The following PSME4 variants were observed in gnomAD, a reference collection of about 807,000 sequenced individuals.
PSME4 encodes proteasome activator complex subunit 4.
PSME4 carries 89 observed loss-of-function variants against 253.9 expected under a neutral mutation model. The observed-to-expected ratio is 0.35, with a 90% CI of 0.30 to 0.42. PSME4 has a LOEUF of 0.42. Among genes scored for constraint, PSME4 ranks in the 10% least tolerant of loss-of-function variants. The pLI is 1.00. For synonymous variants in PSME4, 851 were observed against 759.2 expected (o/e 1.12, Z -1.99); for missense variants, 2,014 against 2,195.2 (o/e 0.92, Z 1.65).
chr2:53,968,523 C>T (rs1405556046), intron 1 of PSME4, among the ~76,000 whole-genome samples: 3 of 152,176 alleles, frequency 2.0e-5, no homozygotes, highest in African/African-American at 7.2e-5. Context: ...ACAAGCACAA[C>T]TATGAACAGG....
At chr2:53,941,224 C>T (rs1439837969) in intron 3 of PSME4, among the ~76,000 whole-genome samples, 1 of 145,284 alleles carries the variant, frequency 6.9e-6, no homozygotes, top group Non-Finnish European at 1.5e-5. Context: ...TAGAAATCCT[C>T]TTTAATTTCA....
Position 53,921,016 on chromosome 2 carries a change from T to G in PSME4, c.2135A>C (p.Gln712Pro), listed in dbSNP as rs1273858992. 2.2e-5 allele frequency: 35 copies of G among 1,614,062 alleles called. No homozygotes were observed. Among genetic ancestry groups the G allele is most frequent in the Non-Finnish European group, 3.0e-5 (35 of 1,180,020 alleles). Reference protein sequence around the residue: ...LQRTLHLTCKQGYTLSCNLLH... With the variant: ...LQRTLHLTCKPGYTLSCNLLH... ...AAGGTTACAAGACAGAGTGTAACCC[T>G]GCTTACAGGTTAAATGTAGGGTTCT... Residue 712 changes from glutamine (Q) to proline (P), a missense_variant, in exon 18 of 47, where the codon CAG becomes CCG. This residue lies in a region of PSME4 where 989 missense variants were observed against 1,021.1 expected (regional missense o/e 0.97). Transcript: ENST00000404125.
intron 8 of PSME4, among the ~76,000 whole-genome samples, chr2:53,933,968 A>G (rs1161209603): frequency 6.6e-6 from 1 of 152,122 alleles, no homozygotes; most frequent in Non-Finnish European, 1.5e-5. Context: ...CTTTTAAACA[A>G]AAAAAAATTG....
At position 53,920,316 on chromosome 2, in the gene PSME4, C is replaced by A; in HGVS notation, c.2297G>T (p.Gly766Val). The A allele has an allele frequency of 6.2e-7, 1 of 1,613,518 alleles. No individual in the cohort carries two copies. Among genetic ancestry groups the A allele is most frequent in the Non-Finnish European group, 8.5e-7 (1 of 1,179,666 alleles). ...WGKPGDLWNL[G>V]IQWHVPSSEE... Reference sequence around the variant, plus strand: ...TGAAGAAGGAACATGCCACTGGATTCCCAGATTCCACAAGTCCCCGGGTTT... The same window carrying A: ...TGAAGAAGGAACATGCCACTGGATTACCAGATTCCACAAGTCCCCGGGTTT... The change falls in exon 19 of 47, where the codon GGA becomes GTA. Residue 766 changes from glycine (G) to valine (V), a missense_variant. Around this residue, in one of 4 missense-constraint regions of PSME4, gnomAD observed 989 missense variants for 1,021.1 expected, o/e 0.97. Transcript: ENST00000404125.
chr2:53,945,770 G>C (rs995143182), intron 3 of PSME4, among the ~76,000 whole-genome samples: 4 of 152,168 alleles, frequency 2.6e-5, no homozygotes, highest in Non-Finnish European at 5.9e-5. Flanking sequence ...TCTAAAAATA[G>C]TATGAACACA....
intron 26 of PSME4, among the ~76,000 whole-genome samples, chr2:53,905,548 A>T (rs1044682880): frequency 3.3e-5 from 5 of 152,082 alleles, no homozygotes; most frequent in Non-Finnish European, 4.4e-5. Flanking sequence ...TAAAAATGAA[A>T]AAAATTAGTC....
intron 41 of PSME4, among the ~76,000 whole-genome samples, chr2:53,877,160 A>C (rs1679171793): frequency 6.6e-6 from 1 of 151,414 alleles, no homozygotes; most frequent in South Asian, 2.1e-4. Context: ...GAAAGCTTTA[A>C]TAAAGTTTGC....
At chr2:53,955,929 C>A (rs968513550) in intron 1 of PSME4, among the ~76,000 whole-genome samples, 64 of 151,998 alleles carry the variant, frequency 4.2e-4, no homozygotes, top group African/African-American at 1.5e-3. Flanking sequence ...CCCAAAAAAA[C>A]CAAAACAAAA....
chr2:53,883,494 G>T (rs981934693), intron 41 of PSME4, among the ~76,000 whole-genome samples: 3 of 152,256 alleles, frequency 2.0e-5, no homozygotes, highest in Admixed American at 2.0e-4. Context: ...AAAGCGGTGG[G>T]GGGGTGCGGG....
chr2:53,934,523 C>A, intron 8 of PSME4, 82 bp downstream of exon 8: 1 of 1,422,058 alleles, frequency 7.0e-7, no homozygotes, highest in South Asian at 1.4e-5. Context: ...CTATTATCAA[C>A]TTCTGCGACT....
intron 6 of PSME4, 40 bp downstream of exon 6, chr2:53,936,724 A>T: frequency 1.3e-5 from 19 of 1,433,284 alleles, no homozygotes; most frequent in Non-Finnish European, 1.8e-5. Flanking sequence ...AAAGAAAAAA[A>T]AAACTATAGG....
intron 4 of PSME4, among the ~76,000 whole-genome samples, chr2:53,938,979 T>C (rs1020189568): frequency 2.0e-5 from 3 of 152,154 alleles, no homozygotes; most frequent in Non-Finnish European, 4.4e-5. Context: ...AAATAAAAAC[T>C]TGGGAGTTCT....
At chr2:53,958,379 AC>A (rs1253634038) in intron 1 of PSME4, among the ~76,000 whole-genome samples, 1 of 142,446 alleles carries the variant, frequency 7.0e-6, no homozygotes, top group African/African-American at 2.5e-5. Flanking sequence ...AAACAAAAAA[AC>A]AAAAACTTGT....
At chr2:53,967,620 T>C (rs1285600587) in intron 1 of PSME4, among the ~76,000 whole-genome samples, 1 of 123,792 alleles carries the variant, frequency 8.1e-6, no homozygotes, top group Non-Finnish European at 1.6e-5. Context: ...TACACTATCT[T>C]GTGTCTGGGC....
Position 53,910,091 on chromosome 2 carries a change from A to G in PSME4, c.2556T>C (p.Tyr852=). 6.2e-7 allele frequency: 1 copy of G among 1,608,886 alleles called. No individual in the cohort carries two copies. The highest frequency in any genetic ancestry group is 2.2e-5 in the East Asian group (1 of 44,852). Residue 852 remains tyrosine (Y), a synonymous_variant, in exon 21 of 47, where the codon TAT becomes TAC. Coordinates refer to ENST00000404125, the MANE Select transcript of PSME4 (RefSeq NM_014614.3). ...SMVSLEETKL[Y]TGLEYDLSRE... Reference sequence around the variant, plus strand: ...TTCACATACCATATTCAAGTCCAGTATACAACTTTGTCTCTTCCAAGGACA... The same window carrying G: ...TTCACATACCATATTCAAGTCCAGTGTACAACTTTGTCTCTTCCAAGGACA...
intron 6 of PSME4, 36 bp downstream of exon 6, chr2:53,936,728 C>T: frequency 7.1e-7 from 1 of 1,404,888 alleles, no homozygotes; most frequent in Non-Finnish European, 9.6e-7. Context: ...AAAAAAAAAA[C>T]TATAGGGGGG....
At chr2:53,962,402 A>C (rs1670532829) in intron 1 of PSME4, among the ~76,000 whole-genome samples, 1 of 149,954 alleles carries the variant, frequency 6.7e-6, no homozygotes, top group Non-Finnish European at 1.5e-5. Context: ...AAGCTTGCCA[A>C]AAAAAAAAAA....
At chr2:53,932,860 T>C in intron 8 of PSME4, 100 bp from the exon 9 acceptor site, 1 of 825,828 alleles carries the variant, frequency 1.2e-6, no homozygotes, top group Non-Finnish European at 2.0e-6. Context: ...ATACAGTTTA[T>C]AGTCAACTTG....
At chr2:53,885,447 G>T (rs2104421802) in intron 41 of PSME4, among the ~76,000 whole-genome samples, 1 of 152,220 alleles carries the variant, frequency 6.6e-6, no homozygotes, top group Non-Finnish European at 1.5e-5. Flanking sequence ...TTAGCTACCA[G>T]GTAAAACAAT....
Sources: gnomAD v4.1 joint callset for allele counts (sites outside exome capture counted in the v4.1 genomes callset) on GRCh38, gnomAD v4.1.1 for gene constraint, gnomAD v4.1.1 regional missense constraint, MANE v1.5 for transcripts, NCBI Gene and HGNC (gene_info 2026-07-23, HGNC 2026-07-21) for gene names.